The following MARCHF6 variants were observed in gnomAD, a reference collection of about 807,000 sequenced individuals.
MARCHF6 encodes membrane associated ring-CH-type finger 6.
Under a neutral mutation model 133.7 loss-of-function variants are expected in MARCHF6, and 31 were observed. That is an observed-to-expected ratio of 0.23 (90% confidence interval 0.17 to 0.31). The LOEUF is 0.31. Among genes scored for constraint, MARCHF6 ranks in the 10% least tolerant of loss-of-function variants. The pLI is 1.00. For missense variants in MARCHF6, 723 were observed against 1,121.6 expected (o/e 0.64, Z 5.08); for synonymous variants, 395 against 402.5 (o/e 0.98, Z 0.22).
rs749823965 is a variant in MARCHF6 at position 10,415,575 on chromosome 5, G to T, written c.2054G>T (p.Cys685Phe). The change falls in exon 21 of 26, where the codon TGC becomes TTC. Residue 685 changes from cysteine to phenylalanine, a missense_variant. This residue lies in a region of MARCHF6 where 492 missense variants were observed against 699.5 expected (regional missense o/e 0.70). Transcript: ENST00000274140. Reference protein sequence around the residue: ...LYTAACGLYVCWLTIRAVTVM... With the variant: ...LYTAACGLYVFWLTIRAVTVM... Reference sequence around the variant, plus strand: ...ACAGCTGCTTGTGGTCTCTATGTTTGCTGGCTAACCATAAGGGCTGTGACG... The same window carrying T: ...ACAGCTGCTTGTGGTCTCTATGTTTTCTGGCTAACCATAAGGGCTGTGACG... The T allele has an allele frequency of 6.2e-7, 1 of 1,614,126 alleles. No homozygotes were observed. The highest frequency in any genetic ancestry group is 1.1e-5 in the South Asian group (1 of 91,080).
At chr5:10,379,517 A>G (rs978467800) in intron 3 of MARCHF6, among the ~76,000 whole-genome samples, 7 of 151,686 alleles carry the variant, frequency 4.6e-5, no homozygotes, top group Non-Finnish European at 8.8e-5. Context: ...CTGGAGGGCA[A>G]TGGCGTGATT....
Position 10,436,954 on chromosome 5 carries a change from A to G in MARCHF6, c.*3270A>G, listed in dbSNP as rs918350391. On this transcript the variant is annotated 3_prime_UTR_variant, in exon 26 of 26. Transcript: ENST00000274140. ...ATTTTCTTTCCCTTATTCAAGTAAT[A>G]TAGAATAACTTTCCTTAAAATGATT... 1 of 152,264 alleles carries G rather than the reference A, an allele frequency of 6.6e-6. No individual in the cohort carries two copies. The highest frequency in any genetic ancestry group is 1.5e-5 in the Non-Finnish European group (1 of 68,046). 9.4% of individuals were successfully genotyped at this position (152,264 alleles called of 1,614,324 possible).
chr5:10,364,023 T>A (rs79991952), intron 1 of MARCHF6, among the ~76,000 whole-genome samples: 8,062 of 152,300 alleles, frequency 0.053, 718 homozygotes, highest in African/African-American at 0.18. Context: ...TCTAAAAGAT[T>A]ATGGTGATGG....
At chr5:10,380,232 A>G (rs552714804) in intron 3 of MARCHF6, among the ~76,000 whole-genome samples, 2 of 151,060 alleles carry the variant, frequency 1.3e-5, no homozygotes, top group South Asian at 2.1e-4. Flanking sequence ...GCTGTAACTT[A>G]GTGTTTTACT....
intron 8 of MARCHF6, 63 bp from the exon 9 acceptor site, chr5:10,394,690 T>G (rs1186867180): frequency 2.3e-6 from 3 of 1,319,072 alleles, no homozygotes; most frequent in Non-Finnish European, 2.2e-6. Flanking sequence ...AGGCTTTTCA[T>G]AAATTAGAAT....
intron 21 of MARCHF6, among the ~76,000 whole-genome samples, chr5:10,416,122 C>G (rs1300332653): frequency 1.3e-5 from 2 of 152,160 alleles, no homozygotes; most frequent in Admixed American, 1.3e-4. Context: ...ACTTAAGGGC[C>G]TTACTGGACA....
At chr5:10,382,374 G>A (rs1483493273) in intron 4 of MARCHF6, among the ~76,000 whole-genome samples, 3 of 151,542 alleles carry the variant, frequency 2.0e-5, no homozygotes, top group Non-Finnish European at 4.4e-5. Flanking sequence ...GACTGAGGCA[G>A]GAGAATTGCT....
At chr5:10,357,354 T>TG (rs1735536734) in intron 1 of MARCHF6, among the ~76,000 whole-genome samples, 3 of 7,754 alleles carry the variant, frequency 3.9e-4, no homozygotes, top group Non-Finnish European at 2.4e-3. Context: ...AAAGCTGAGG[T>TG]TTTTTTTTTT....
At chr5:10,354,720 T>G (rs1333994729) in intron 1 of MARCHF6, 1 of 152,214 alleles carries the variant, frequency 6.6e-6, no homozygotes, top group African/African-American at 2.4e-5. Flanking sequence ...GTGGTGAGTT[T>G]ATAGAGGAAA....
intron 1 of MARCHF6, among the ~76,000 whole-genome samples, chr5:10,360,779 C>A (rs771205064): frequency 3.3e-5 from 5 of 152,206 alleles, no homozygotes; most frequent in African/African-American, 4.8e-5. Flanking sequence ...AGAATCATGA[C>A]TGGCTGTGTC....
intron 5 of MARCHF6, among the ~76,000 whole-genome samples, chr5:10,389,203 A>G (rs1391483291): frequency 6.6e-6 from 1 of 152,240 alleles, no homozygotes; most frequent in Non-Finnish European, 1.5e-5. Flanking sequence ...TTCTGAAATC[A>G]TAAACATGGA....
At chr5:10,366,661 A>G (rs144619572) in intron 1 of MARCHF6, among the ~76,000 whole-genome samples, 221 of 152,370 alleles carry the variant, frequency 1.5e-3, no homozygotes, top group African/African-American at 5.0e-3. Flanking sequence ...GAGCAAAGGC[A>G]GCAGCCTAGC....
At chr5:10,428,010 A>G (rs149577274) in intron 24 of MARCHF6, among the ~76,000 whole-genome samples, 1 of 152,150 alleles carries the variant, frequency 6.6e-6, no homozygotes, top group African/African-American at 2.4e-5. Flanking sequence ...TTCAGGGCTA[A>G]CCTCAGGTTG....
intron 23 of MARCHF6, among the ~76,000 whole-genome samples, chr5:10,426,023 A>G (rs886349644): frequency 6.6e-6 from 1 of 152,268 alleles, no homozygotes; most frequent in African/African-American, 2.4e-5. Context: ...TAATAACACA[A>G]TATTACATAT....
intron 1 of MARCHF6, among the ~76,000 whole-genome samples, chr5:10,368,017 G>A (rs1250979617): frequency 1.3e-5 from 2 of 152,194 alleles, no homozygotes; most frequent in African/African-American, 4.8e-5. Context: ...TACTGCATAC[G>A]AATCTGATGG....
At chr5:10,405,081 T>G (rs963045711) in intron 15 of MARCHF6, among the ~76,000 whole-genome samples, 4 of 152,172 alleles carry the variant, frequency 2.6e-5, no homozygotes, top group Non-Finnish European at 4.4e-5. Flanking sequence ...TTAGATGCGT[T>G]ACACAGAGGG....
At chr5:10,394,966 A>AT (rs560873727) in intron 9 of MARCHF6, among the ~76,000 whole-genome samples, 181 bp downstream of exon 9, 2 of 151,958 alleles carry the variant, frequency 1.3e-5, no homozygotes, top group African/African-American at 2.4e-5. Context: ...TGCCCGGCTA[A>AT]TTTTTTGTAT....
chr5:10,390,850 T>C (rs998356674), intron 6 of MARCHF6, among the ~76,000 whole-genome samples: 54 of 152,336 alleles, frequency 3.5e-4, no homozygotes, highest in African/African-American at 1.2e-3. Context: ...TTTAAAAATG[T>C]ATTTTCATCC....
chr5:10,394,301 G>C (rs553517881), intron 8 of MARCHF6, among the ~76,000 whole-genome samples, 158 bp downstream of exon 8: 48 of 152,090 alleles, frequency 3.2e-4, no homozygotes, highest in Non-Finnish European at 6.8e-4. Context: ...TATTGTTTAT[G>C]GTCAAAATAT....
Sources: gnomAD v4.1 joint callset for allele counts (sites outside exome capture counted in the v4.1 genomes callset) on GRCh38, gnomAD v4.1.1 for gene constraint, gnomAD v4.1.1 regional missense constraint, MANE v1.5 for transcripts, NCBI Gene and HGNC (gene_info 2026-07-23, HGNC 2026-07-21) for gene names.